STAG1: variants seen among roughly 807,000 people sequenced by gnomAD.
STAG1 encodes cohesin subunit SA-1.
In STAG1, 26 loss-of-function variants were observed where a neutral mutation model predicts 170.9. That is an observed-to-expected ratio of 0.15 (90% CI 0.11 to 0.21). STAG1 has a LOEUF of 0.21. STAG1 is among the 10% of genes least tolerant of loss of function. The pLI, the probability that STAG1 is intolerant of heterozygous loss-of-function variation, is 1.00. For missense variants in STAG1, 964 were observed against 1,509.5 expected, an observed-to-expected ratio of 0.64 and a Z score of 5.99; for synonymous variants, 514 against 497.7, an observed-to-expected ratio of 1.03 and a Z score of -0.44.
intron 22 of STAG1, among the ~76,000 whole-genome samples, chr3:136,397,690 G>A (rs7625592): frequency 0.16 from 24,599 of 151,954 alleles, 3,241 homozygotes; most frequent in African/African-American, 0.37. Context: ...GGGAGATGTG[G>A]CCACCTATGA....
intron 13 of STAG1, among the ~76,000 whole-genome samples, chr3:136,460,276 A>C (rs1428891312): frequency 6.6e-6 from 1 of 152,228 alleles, no homozygotes; most frequent in Non-Finnish European, 1.5e-5. Context: ...AAATTCTTGG[A>C]CACATACAAC....
intron 1 of STAG1, among the ~76,000 whole-genome samples, chr3:136,690,436 C>A (rs1367998201): frequency 1.3e-5 from 2 of 152,222 alleles, no homozygotes; most frequent in Admixed American, 6.5e-5. Flanking sequence ...GAGGTTTCAC[C>A]ATGTTGGGCA....
intron 29 of STAG1, among the ~76,000 whole-genome samples, chr3:136,348,284 A>T (rs1936308767): frequency 6.6e-6 from 1 of 151,452 alleles, no homozygotes; most frequent in South Asian, 2.1e-4. Flanking sequence ...TAATAGAGCA[A>T]TTTTTAGGTT....
At chr3:136,340,651 T>C (rs766370684) in intron 31 of STAG1, 46 bp from the exon 32 acceptor site, 5 of 1,214,848 alleles carry the variant, frequency 4.1e-6, no homozygotes, top group Non-Finnish European at 6.1e-6. Flanking sequence ...GACTCCACCA[T>C]TTGGAGTCCT....
intron 9 of STAG1, chr3:136,499,983 C>A (rs565469508): frequency 2.0e-4 from 74 of 369,228 alleles, no homozygotes; most frequent in African/African-American, 1.5e-3. Context: ...CAGTATAAAT[C>A]CAAGTACATA....
At chr3:136,549,380 G>A (rs746966944) in intron 5 of STAG1, among the ~76,000 whole-genome samples, 3 of 151,744 alleles carry the variant, frequency 2.0e-5, no homozygotes, top group Middle Eastern at 3.4e-3. Flanking sequence ...GTATGATCTC[G>A]GCTCACTGCA....
chr3:136,503,582 CCT>C (rs1933596476), intron 7 of STAG1, among the ~76,000 whole-genome samples: 1 of 151,924 alleles, frequency 6.6e-6, no homozygotes, highest in Non-Finnish European at 1.5e-5. Flanking sequence ...AATAATTTCC[CCT>C]TTTTGCTCCT....
At chr3:136,400,158 A>G (rs2087277406) in intron 21 of STAG1, among the ~76,000 whole-genome samples, 1 of 152,022 alleles carries the variant, frequency 6.6e-6, no homozygotes, top group Non-Finnish European at 1.5e-5. Flanking sequence ...CCTGGACTCA[A>G]GCAATCCACC....
intron 1 of STAG1, among the ~76,000 whole-genome samples, chr3:136,639,505 A>G (rs564355146): frequency 6.6e-6 from 1 of 152,362 alleles, no homozygotes; most frequent in African/African-American, 2.4e-5. Flanking sequence ...GACAACTAAT[A>G]GCTTCATTAG....
At chr3:136,461,593 A>G (rs1430661663) in intron 13 of STAG1, among the ~76,000 whole-genome samples, 3 of 151,230 alleles carry the variant, frequency 2.0e-5, no homozygotes, top group African/African-American at 4.8e-5. Context: ...CCGTCTTGAA[A>G]AAAAAAAAAA....
At chr3:136,413,816 A>G (rs1246210089) in intron 21 of STAG1, among the ~76,000 whole-genome samples, 1 of 152,196 alleles carries the variant, frequency 6.6e-6, no homozygotes, top group Non-Finnish European at 1.5e-5. Flanking sequence ...GATAAAAGAT[A>G]AATCACTAGG....
intron 5 of STAG1, among the ~76,000 whole-genome samples, chr3:136,559,556 GGTCA>G (rs1936756732): frequency 6.6e-6 from 1 of 152,112 alleles, no homozygotes. Context: ...ACTAACTCCC[GGTCA>G]GTCACTTGTT....
intron 1 of STAG1, among the ~76,000 whole-genome samples, chr3:136,695,633 A>AG (rs1942862425): frequency 7.3e-6 from 1 of 136,142 alleles, no homozygotes. Context: ...AGTACTCACT[A>AG]GAAAAAAAAA....
intron 2 of STAG1, among the ~76,000 whole-genome samples, chr3:136,626,468 T>C (rs1213008046): frequency 6.6e-6 from 1 of 150,626 alleles, no homozygotes; most frequent in Admixed American, 6.6e-5. Context: ...ATACAGTATA[T>C]ATTTTAGGCT....
At position 136,363,412 on chromosome 3, in the gene STAG1, A is replaced by G. The variant is rs367692062; in HGVS notation, c.2741T>C (p.Ile914Thr). 11 of 1,608,098 alleles carry G rather than the reference A, an allele frequency of 6.8e-6. No individual in the cohort carries two copies. Among genetic ancestry groups the G allele is most frequent in the South Asian group, 3.3e-5 (3 of 90,524 alleles). The change falls in exon 26 of 34, where the codon ATT (isoleucine) becomes ACT (threonine). Residue 914 changes from isoleucine to threonine, a missense_variant. This residue lies in a region of STAG1 where 149 missense variants were observed against 301.3 expected (regional missense o/e 0.49). Coordinates refer to ENST00000383202, the MANE Select transcript of STAG1 (RefSeq NM_005862.3). ...IKETLSKTRQ[I>T]DKIQCAKTLI... is the part of the protein sequence containing the mutation. ...AGTCTTGGCACACTGAATTTTATCA[A>G]TCTGCCTGGTTTTACTCAGTGTTTC...
At chr3:136,363,107 CA>C (rs1936937762) in intron 26 of STAG1, among the ~76,000 whole-genome samples, 1 of 151,852 alleles carries the variant, frequency 6.6e-6, no homozygotes. Flanking sequence ...TTTAAATTTC[CA>C]GTTTGACATT....
chr3:136,519,390 C>T (rs1934550052), intron 7 of STAG1, among the ~76,000 whole-genome samples: 1 of 152,098 alleles, frequency 6.6e-6, no homozygotes, highest in African/African-American at 2.4e-5. Context: ...TTTCACAATA[C>T]TATCAGCCCT....
intron 24 of STAG1, among the ~76,000 whole-genome samples, chr3:136,368,903 T>C (rs1429118454): frequency 6.6e-6 from 1 of 152,180 alleles, no homozygotes; most frequent in Non-Finnish European, 1.5e-5. Flanking sequence ...TTGCCTAGGC[T>C]GCTCTCGAAC....
chr3:136,723,547 T>C (rs1397827526), intron 1 of STAG1, among the ~76,000 whole-genome samples: 1 of 150,486 alleles, frequency 6.6e-6, no homozygotes, highest in Non-Finnish European at 1.5e-5. Flanking sequence ...AGCCACCCCA[T>C]CCGGGAGGGA....
Sources: allele counts gnomAD v4.1 joint callset (sites outside exome capture counted in the v4.1 genomes callset), GRCh38; gene constraint gnomAD v4.1.1; regional missense constraint gnomAD v4.1.1; transcripts MANE v1.5; gene names NCBI Gene and HGNC (gene_info 2026-07-23, HGNC 2026-07-21).